DOCK3: variants seen among roughly 807,000 people sequenced by gnomAD.
DOCK3 encodes the protein dedicator of cytokinesis protein 3.
In DOCK3, 60 loss-of-function variants were observed where a neutral mutation model predicts 265.6. That is an observed-to-expected ratio of 0.23 (90% CI 0.18 to 0.28). DOCK3 has a LOEUF of 0.28. DOCK3 is among the 10% of genes least tolerant of loss of function. The pLI is 1.00. For synonymous variants in DOCK3, 881 were observed against 938.0 expected (o/e 0.94, Z 1.11); for missense variants, 1,981 against 2,594.3 (o/e 0.76, Z 5.14).
intron 5 of DOCK3, among the ~76,000 whole-genome samples, chr3:51,026,432 AG>A (rs2079822104): frequency 2.9e-5 from 2 of 69,874 alleles, no homozygotes; most frequent in South Asian, 1.4e-3. Context: ...ATTGGCCTGT[AG>A]TTTTTTTTTT....
intron 5 of DOCK3, among the ~76,000 whole-genome samples, chr3:51,050,118 T>C (rs1336340631): frequency 6.6e-6 from 1 of 152,126 alleles, no homozygotes; most frequent in Non-Finnish European, 1.5e-5. Flanking sequence ...GCGTGGTAGC[T>C]TATACCTGTA....
At chr3:50,915,332 A>G (rs755049723) in intron 4 of DOCK3, among the ~76,000 whole-genome samples, 1 of 152,032 alleles carries the variant, frequency 6.6e-6, no homozygotes, top group Non-Finnish European at 1.5e-5. Flanking sequence ...GTACAGGGGC[A>G]GAATGTACCT....
At chr3:50,863,076 G>A (rs1245180135) in intron 3 of DOCK3, among the ~76,000 whole-genome samples, 1 of 152,172 alleles carries the variant, frequency 6.6e-6, no homozygotes, top group Non-Finnish European at 1.5e-5. Flanking sequence ...GCCAACGAGG[G>A]CTTTGGTGGG....
chr3:51,072,335 G>A (rs145171355), intron 6 of DOCK3, among the ~76,000 whole-genome samples: 132 of 152,276 alleles, frequency 8.7e-4, no homozygotes, highest in Non-Finnish European at 1.5e-3. Flanking sequence ...CACTACCACA[G>A]AGGAGCACAT....
chr3:51,269,282 G>A (rs1466186659), intron 23 of DOCK3, among the ~76,000 whole-genome samples: 2 of 151,542 alleles, frequency 1.3e-5, no homozygotes, highest in African/African-American at 4.8e-5. Context: ...GTCAGGGTGT[G>A]AGAGTCCTTC....
In DOCK3 at chr3:50,801,566, CTCATA is replaced by C. The variant is rs1227377040; in HGVS notation, c.121+22811_121+22815del. The stretch of plus-strand genomic sequence containing the variant: ...TGATACTTTGAAGAGAAATTTAGAA[CTCATA>C]TCTAACAATCTTAAAGTTTTTTTTG... On this transcript the variant is annotated intron_variant, in intron 2 of 52. Transcript: ENST00000266037. Among the ~76,000 whole-genome samples, 18 of 152,322 alleles carry C rather than the reference CTCATA, an allele frequency of 1.2e-4. 1 individual carries two copies. Among genetic ancestry groups the C allele is most frequent in the Admixed American group, 1.2e-3 (18 of 15,298 alleles).
chr3:50,945,544 C>G (rs959052351), intron 5 of DOCK3, among the ~76,000 whole-genome samples: 39 of 152,054 alleles, frequency 2.6e-4, no homozygotes, highest in Non-Finnish European at 4.7e-4. Flanking sequence ...TTATGAGAAA[C>G]AAGACACAGT....
At chr3:51,143,002 T>A (rs2085131866) in intron 9 of DOCK3, among the ~76,000 whole-genome samples, 1 of 152,086 alleles carries the variant, frequency 6.6e-6, no homozygotes, top group Admixed American at 6.5e-5. Flanking sequence ...TTCTCCTGCC[T>A]CAGCCTCCCG....
chr3:51,339,851 C>G (rs1355860615), intron 37 of DOCK3, among the ~76,000 whole-genome samples: 1 of 152,206 alleles, frequency 6.6e-6, no homozygotes, highest in East Asian at 1.9e-4. Flanking sequence ...TTTAAGCTAT[C>G]CTTGTCTGCA....
chr3:50,988,345 C>G (rs917307188), intron 5 of DOCK3, among the ~76,000 whole-genome samples: 6 of 152,318 alleles, frequency 3.9e-5, no homozygotes, highest in Admixed American at 2.0e-4. Flanking sequence ...ACCACCCCCC[C>G]ACAACCCCTG....
rs192678668 is a variant in DOCK3 at position 50,795,492 on chromosome 3, C to T, written c.121+16734C>T. 6.8e-3 allele frequency among the ~76,000 whole-genome samples: 1,033 copies of T among 152,216 alleles called. 18 individuals carry two copies. The highest frequency in any genetic ancestry group is 3.9e-3 in the Non-Finnish European group (266 of 68,016). On this transcript the variant is annotated intron_variant, in intron 2 of 52. Transcript: ENST00000266037. The stretch of plus-strand genomic sequence containing the variant: ...TGCCTCCCGGGTTCAAGTGATTCTC[C>T]TGTCTCAGCCTCCTGAGTAGCTGGG...
At chr3:51,007,689 C>G (rs961799904) in intron 5 of DOCK3, among the ~76,000 whole-genome samples, 4 of 151,990 alleles carry the variant, frequency 2.6e-5, no homozygotes, top group Admixed American at 2.6e-4. Flanking sequence ...TCATGAAGTC[C>G]TTGCCCATGC....
chr3:51,095,081 A>G (rs1008190163), intron 9 of DOCK3, among the ~76,000 whole-genome samples: 1 of 151,192 alleles, frequency 6.6e-6, no homozygotes, highest in Admixed American at 6.6e-5. Context: ...GCATGTGAGA[A>G]TGGTCTCCTG....
chr3:51,199,849 G>A (rs1213010013), intron 12 of DOCK3, among the ~76,000 whole-genome samples: 4 of 152,110 alleles, frequency 2.6e-5, no homozygotes, highest in African/African-American at 7.2e-5. Flanking sequence ...CCAGAAGAAC[G>A]ATCAGACAGC....
intron 2 of DOCK3, among the ~76,000 whole-genome samples, chr3:50,816,877 C>T (rs912367161): frequency 3.9e-5 from 6 of 152,106 alleles, no homozygotes; most frequent in Non-Finnish European, 8.8e-5. Flanking sequence ...TCACAGCTCA[C>T]TGCAGCTGTT....
intron 12 of DOCK3, among the ~76,000 whole-genome samples, chr3:51,207,090 G>A (rs1276478829): frequency 6.6e-6 from 1 of 152,184 alleles, no homozygotes; most frequent in Non-Finnish European, 1.5e-5. Flanking sequence ...TATGGGAATG[G>A]GTGAGATTGC....
intron 24 of DOCK3, among the ~76,000 whole-genome samples, chr3:51,272,115 C>A (rs978925673): frequency 2.0e-5 from 3 of 152,164 alleles, no homozygotes; most frequent in Non-Finnish European, 2.9e-5. Flanking sequence ...GCAGGGACAA[C>A]CAAATGCTCA....
chr3:50,767,605 C>T (rs1054949962), intron 1 of DOCK3, among the ~76,000 whole-genome samples: 1 of 152,056 alleles, frequency 6.6e-6, no homozygotes, highest in Non-Finnish European at 1.5e-5. Context: ...AATGCGGGCC[C>T]GTTTTTGGTT....
chr3:51,365,810 A>G (rs1354615477), intron 49 of DOCK3, among the ~76,000 whole-genome samples: 1 of 152,160 alleles, frequency 6.6e-6, no homozygotes, highest in African/African-American at 2.4e-5. Flanking sequence ...CATATGTTGA[A>G]CCAGCCTTGC....
Sources: allele counts gnomAD v4.1 joint callset (sites outside exome capture counted in the v4.1 genomes callset), GRCh38; gene constraint gnomAD v4.1.1; transcripts MANE v1.5; gene names NCBI Gene and HGNC (gene_info 2026-07-23, HGNC 2026-07-21).